GSN: variants seen among roughly 807,000 people sequenced by gnomAD.
GSN encodes actin-depolymerizing factor.
A neutral mutation model predicts 85.7 loss-of-function variants in GSN; 56 were observed. The observed-to-expected ratio is 0.65, with a 90% CI of 0.53 to 0.82. The LOEUF is 0.82. Ranked by LOEUF, GSN falls within the 40% of genes least tolerant of loss-of-function variation. GSN has a pLI of 0.00. For missense variants in GSN, 857 were observed against 979.8 expected (o/e 0.87, Z 1.67); for synonymous variants, 373 against 399.1 (o/e 0.93, Z 0.78).
intron 6 of GSN, among the ~76,000 whole-genome samples, chr9:121,254,633 A>G (rs1187101321): frequency 2.6e-5 from 4 of 152,200 alleles, no homozygotes; most frequent in Non-Finnish European, 5.9e-5. Flanking sequence ...TCTCCTCTGA[A>G]AGAGCAATTT....
In GSN at chr9:121,331,466, TG is replaced by T. The variant is rs757273259; in HGVS notation, c.2026+23del. 3.2e-5 allele frequency: 28 copies of T among 887,818 alleles called. No individual in the cohort carries two copies. The highest frequency in any genetic ancestry group is 7.0e-5 in the Admixed American group (3 of 43,044). 55.0% of individuals were successfully genotyped at this position (887,818 alleles called of 1,614,324 possible). ...GACTTCTGGTGAGGACCCGAGTGCC[TG>T]GGGGCGGGGGGAGGGGTCCGTTGCT... is the stretch of plus-strand genomic sequence containing the variant. On this transcript the variant is annotated intron_variant, in intron 17 of 17. Transcript: ENST00000432226.
At chr9:121,316,849 A>G (rs572037842) in intron 7 of GSN, among the ~76,000 whole-genome samples, 67 of 152,134 alleles carry the variant, frequency 4.4e-4, no homozygotes, top group Non-Finnish European at 8.5e-4. Flanking sequence ...CAATTCCCCA[A>G]ATTTTATCCC....
intron 6 of GSN, among the ~76,000 whole-genome samples, chr9:121,257,142 A>C (rs373660432): frequency 7.2e-5 from 11 of 152,306 alleles, no homozygotes; most frequent in South Asian, 2.1e-4. Flanking sequence ...TATCAATTAA[A>C]AAAAAGAGTA....
At chr9:121,249,399 C>T (rs2054770141) in intron 6 of GSN, among the ~76,000 whole-genome samples, 1 of 152,094 alleles carries the variant, frequency 6.6e-6, no homozygotes, top group Non-Finnish European at 1.5e-5. Context: ...ATCACCTGAG[C>T]CTGGGAGGTG....
chr9:121,329,088 G>C lies in GSN; in HGVS notation c.1887+73G>C, dbSNP rs765799596. On this transcript the variant is annotated intron_variant, in intron 15 of 17. Coordinates refer to ENST00000432226, the MANE Select transcript of GSN (RefSeq NM_198252.3). The surrounding 1 kb of genome is among the most constrained non-coding windows in gnomAD (Gnocchi z 4.6). The stretch of plus-strand genomic sequence containing the variant: ...GTTCCACAGGACTGGCCGGCAGCAG[G>C]GGCAGGAGAAACAGTTCTGATGGTG... 1 of 1,588,550 alleles carries C rather than the reference G, an allele frequency of 6.3e-7. No homozygotes were observed. The highest frequency in any genetic ancestry group is 1.3e-5 in the African/African-American group (1 of 74,472).
intron 3 of GSN, 88 bp from the exon 4 acceptor site, chr9:121,302,823 G>A: frequency 7.6e-7 from 1 of 1,321,164 alleles, no homozygotes; most frequent in Non-Finnish European, 1.1e-6. Flanking sequence ...GGTCAGGGCA[G>A]TGCTGGGGTT....
intron 1 of GSN, chr9:121,280,955 G>C (rs1318221225): frequency 2.0e-5 from 3 of 152,642 alleles, no homozygotes; most frequent in Admixed American, 1.3e-4. Context: ...AGTCCTGCTT[G>C]CCCTGTCCTG....
the GSN span, among the ~76,000 whole-genome samples, chr9:121,202,420 A>AG: frequency 1.3e-5 from 2 of 151,788 alleles, no homozygotes; most frequent in African/African-American, 4.8e-5. Flanking sequence ...ACTGAGGCTC[A>AG]GGTTGGTCAA....
intron 2 of GSN, among the ~76,000 whole-genome samples, chr9:121,301,640 A>G (rs557121478): frequency 2.3e-4 from 35 of 151,314 alleles, no homozygotes; most frequent in East Asian, 1.6e-3. Flanking sequence ...AAAAAAAAAA[A>G]AAAAGAAAAA....
intron 6 of GSN, among the ~76,000 whole-genome samples, chr9:121,260,251 C>T (rs1352915852): frequency 1.3e-5 from 2 of 152,166 alleles, no homozygotes; most frequent in Admixed American, 6.5e-5. Context: ...AACCCCTTCT[C>T]GCTGGGACTG....
intron 11 of GSN, 138 bp downstream of exon 11, chr9:121,321,539 A>C: frequency 9.7e-6 from 7 of 721,328 alleles, no homozygotes. Context: ...CCACAGGGCA[A>C]CACCATTTGC....
chr9:121,237,316 C>T (rs1404023892), intron 5 of GSN, among the ~76,000 whole-genome samples: 1 of 152,200 alleles, frequency 6.6e-6, no homozygotes, highest in African/African-American at 2.4e-5. Flanking sequence ...AATCACAACA[C>T]TTTGGGAGGC....
chr9:121,234,410 G>C lies in GSN; in HGVS notation c.-389+3107G>C, dbSNP rs115725393. Among the ~76,000 whole-genome samples the C allele has an allele frequency of 2.0e-5, 3 of 152,200 alleles. No individual in the cohort carries two copies. The East Asian group carries it at 5.8e-4, about 29-fold the overall frequency. On this transcript the variant is annotated intron_variant, in intron 5 of 24. Transcript: ENST00000373823. ...CTGACTCACAGCACCGATCCCTTCC[G>C]GAGGGGAGCAAGCAGTTATCTCCCC...
At position 121,261,295 on chromosome 9, in the gene GSN, G is replaced by T. The variant is rs1052264783; in HGVS notation, c.-340-3859G>T. On this transcript the variant is annotated intron_variant, in intron 6 of 24. Transcript: ENST00000373823. The surrounding 1 kb of genome is among the most constrained non-coding windows in gnomAD (Gnocchi z 4.1). ...GCAGGCATGGGCTGTTAGGGCTGTG[G>T]GCCCCTGTGCCCCTCCACAGGAAAC... 4.6e-5 allele frequency among the ~76,000 whole-genome samples: 7 copies of T among 152,228 alleles called. No individual in the cohort carries two copies. The East Asian group carries it at 1.2e-3, about 25-fold the overall frequency.
chr9:121,278,689 T>G (rs1440789704), intron 1 of GSN, among the ~76,000 whole-genome samples: 1 of 152,244 alleles, frequency 6.6e-6, no homozygotes, highest in Non-Finnish European at 1.5e-5. Context: ...CCCTTCTCTT[T>G]ATGGCTCCAT....
chr9:121,295,126 C>G (rs539803495), intron 2 of GSN, among the ~76,000 whole-genome samples: 12 of 152,358 alleles, frequency 7.9e-5, no homozygotes, highest in African/African-American at 2.9e-4. Flanking sequence ...AAGAAGAGTG[C>G]TTACTTTTGG....
At chr9:121,271,733 G>A (rs1049805216) in intron 1 of GSN, among the ~76,000 whole-genome samples, 1 of 152,186 alleles carries the variant, frequency 6.6e-6, no homozygotes, top group Non-Finnish European at 1.5e-5. Flanking sequence ...GGGGCCTCCC[G>A]GGGCTGTTTG....
chr9:121,223,714 C>T (rs532029104), intron 4 of GSN, among the ~76,000 whole-genome samples: 42 of 152,190 alleles, frequency 2.8e-4, no homozygotes, highest in Middle Eastern at 3.4e-3. Flanking sequence ...GGCTGGAGTG[C>T]GGTGGCACAA....
chr9:121,322,754 A>C (rs1005057733), intron 11 of GSN, among the ~76,000 whole-genome samples: 1 of 152,060 alleles, frequency 6.6e-6, no homozygotes, highest in Admixed American at 6.5e-5. Context: ...GGTTTATAAA[A>C]TGGTGTCTCA....
Sources: allele counts gnomAD v4.1 joint callset (sites outside exome capture counted in the v4.1 genomes callset), GRCh38; gene constraint gnomAD v4.1.1; non-coding constraint Gnocchi (gnomAD v3.1); transcripts MANE v1.5; gene names NCBI Gene and HGNC (gene_info 2026-07-23, HGNC 2026-07-21).